Variants in ESRRG observed in about 807,000 individuals in gnomAD.
ESRRG encodes estrogen-related receptor gamma.
A neutral mutation model predicts 44.0 loss-of-function variants in ESRRG; 13 were observed. The ratio of observed to expected loss-of-function variants is 0.30; its 90% confidence interval spans 0.19 to 0.47. ESRRG has a LOEUF of 0.47. Among genes scored for constraint, ESRRG ranks in the 20% least tolerant of loss-of-function variants. ESRRG has a pLI of 1.00. For synonymous variants in ESRRG, 215 were observed against 214.6 expected (o/e 1.00, Z -0.02); for missense variants, 395 against 580.6 (o/e 0.68, Z 3.29).
At chr1:216,885,826 C>G (rs1341720532) in intron 2 of ESRRG, among the ~76,000 whole-genome samples, 1 of 151,872 alleles carries the variant, frequency 6.6e-6, no homozygotes, top group East Asian at 1.9e-4. Context: ...CCATGTGGCC[C>G]TCCTCCCTCC....
At chr1:216,513,831 A>G (rs17042695) in intron 6 of ESRRG, among the ~76,000 whole-genome samples, 2,017 of 152,296 alleles carry the variant, frequency 0.013, 42 homozygotes, top group African/African-American at 0.047. Flanking sequence ...TCATAAAGAC[A>G]ATTATAGTAT....
At chr1:217,090,104 T>A (rs1167130155), upstream of ESRRG, among the ~76,000 whole-genome samples, 2 of 152,082 alleles carry the variant, frequency 1.3e-5, no homozygotes, top group African/African-American at 2.4e-5. Context: ...CGCCTCTGGG[T>A]GTGTATATAT....
intron 1 of ESRRG, among the ~76,000 whole-genome samples, chr1:216,677,863 T>C (rs1320375098): frequency 6.6e-6 from 1 of 152,242 alleles, no homozygotes; most frequent in Non-Finnish European, 1.5e-5. Context: ...CAACTCTAGA[T>C]TCTAAATTTA....
intron 3 of ESRRG, among the ~76,000 whole-genome samples, chr1:216,576,712 G>A (rs1294206703): frequency 6.6e-6 from 1 of 151,930 alleles, no homozygotes; most frequent in Non-Finnish European, 1.5e-5. Context: ...GACAGAAATC[G>A]GAATAGCCAT....
chr1:216,888,306 A>C (rs980130934), intron 2 of ESRRG, among the ~76,000 whole-genome samples: 15 of 152,284 alleles, frequency 9.9e-5, no homozygotes, highest in African/African-American at 3.6e-4. Context: ...ATGGCATCAT[A>C]AAATGTGTTA....
chr1:216,595,967 C>T (rs576634520), intron 3 of ESRRG, among the ~76,000 whole-genome samples: 2 of 152,296 alleles, frequency 1.3e-5, no homozygotes, highest in African/African-American at 4.8e-5. Context: ...GATTTTGATG[C>T]ATGCTGCCCC....
At chr1:216,961,181 T>C (rs1332819206) in intron 1 of ESRRG, among the ~76,000 whole-genome samples, 1 of 152,204 alleles carries the variant, frequency 6.6e-6, no homozygotes, top group Non-Finnish European at 1.5e-5. Flanking sequence ...AGATGAACTA[T>C]TCTGTAAATT....
At chr1:216,863,582 A>C (rs1305581594) in intron 2 of ESRRG, 1 of 152,170 alleles carries the variant, frequency 6.6e-6, no homozygotes, top group African/African-American at 2.4e-5. Flanking sequence ...CAATTAGTCA[A>C]ACCTTTTATT....
chr1:216,530,041 G>A (rs147576940), intron 5 of ESRRG, among the ~76,000 whole-genome samples: 1 of 148,686 alleles, frequency 6.7e-6, no homozygotes, highest in East Asian at 2.0e-4. Context: ...GAACACAGGA[G>A]GCAAATGTTG....
intron 3 of ESRRG, among the ~76,000 whole-genome samples, chr1:216,622,325 C>G (rs2062382560): frequency 6.6e-6 from 1 of 152,188 alleles, no homozygotes; most frequent in Admixed American, 6.5e-5. Context: ...TTAAAACACT[C>G]TGGTCATCTT....
chr1:216,628,501 A>G (rs1007467067), intron 3 of ESRRG, among the ~76,000 whole-genome samples: 15 of 152,222 alleles, frequency 9.9e-5, no homozygotes, highest in African/African-American at 3.6e-4. Flanking sequence ...GTTGAGAAAT[A>G]TGTGAATAAA....
chr1:216,919,328 G>A (rs182479607), intron 2 of ESRRG, among the ~76,000 whole-genome samples: 129 of 152,178 alleles, frequency 8.5e-4, no homozygotes, highest in African/African-American at 2.9e-3. Flanking sequence ...CATGTGGCAC[G>A]GATAATTTTA....
chr1:217,014,444 T>C (rs539093810), intron 1 of ESRRG, among the ~76,000 whole-genome samples: 1 of 152,232 alleles, frequency 6.6e-6, no homozygotes, highest in Non-Finnish European at 1.5e-5. Flanking sequence ...TGTACTGCTC[T>C]GTTCTGCATA....
intron 2 of ESRRG, among the ~76,000 whole-genome samples, chr1:216,837,780 A>T (rs1209153112): frequency 6.6e-6 from 1 of 152,192 alleles, no homozygotes; most frequent in African/African-American, 2.4e-5. Context: ...CTTTTGTAAG[A>T]TTAACAATTT....
chr1:216,922,231 C>A (rs2061939160), intron 2 of ESRRG, among the ~76,000 whole-genome samples: 1 of 152,180 alleles, frequency 6.6e-6, no homozygotes, highest in Non-Finnish European at 1.5e-5. Context: ...GAAGCGTACA[C>A]AGCATTTTTT....
chr1:216,601,965 TAAC>T (rs1319206664), intron 3 of ESRRG, among the ~76,000 whole-genome samples: 1 of 152,156 alleles, frequency 6.6e-6, no homozygotes, highest in Non-Finnish European at 1.5e-5. Context: ...TCCTCTTAAT[TAAC>T]AACAACAAAG....
intron 2 of ESRRG, among the ~76,000 whole-genome samples, chr1:216,771,094 C>T (rs2152392721): frequency 6.6e-6 from 1 of 152,230 alleles, no homozygotes; most frequent in South Asian, 2.1e-4. Context: ...CCTGCTCCAG[C>T]CTCCCAAGTA....
intron 1 of ESRRG, among the ~76,000 whole-genome samples, chr1:216,945,435 T>G (rs959095174): frequency 6.6e-6 from 1 of 152,144 alleles, no homozygotes. Context: ...AATTTATTAG[T>G]GTGCTTGAAG....
intron 3 of ESRRG, among the ~76,000 whole-genome samples, chr1:216,585,090 T>G (rs1400787253): frequency 6.6e-6 from 1 of 152,168 alleles, no homozygotes; most frequent in East Asian, 1.9e-4. Flanking sequence ...GATAAAAGTT[T>G]AAAAAGCTAA....
Sources: allele counts gnomAD v4.1 joint callset (sites outside exome capture counted in the v4.1 genomes callset), GRCh38; gene constraint gnomAD v4.1.1; transcripts MANE v1.5; gene names NCBI Gene and HGNC (gene_info 2026-07-23, HGNC 2026-07-21).